RPS6KA2: variants seen among roughly 807,000 people sequenced by gnomAD.
The protein encoded by RPS6KA2 is ribosomal protein S6 kinase A2.
A neutral mutation model predicts 91.8 loss-of-function variants in RPS6KA2; 42 were observed. That is an observed-to-expected ratio of 0.46 (90% CI 0.36 to 0.59). The LOEUF (loss-of-function observed/expected upper bound fraction) is 0.59, where lower values mean the gene tolerates loss of function less well. RPS6KA2 is among the 20% of genes least tolerant of loss of function. The pLI, the probability that RPS6KA2 is intolerant of heterozygous loss-of-function variation, is 0.00. For missense variants in RPS6KA2, 798 were observed against 978.5 expected (o/e 0.82, Z 2.46); for synonymous variants, 414 against 393.6 (o/e 1.05, Z -0.61).
chr6:166,721,820 TCAGAGGAGGAGCCGGTGC>T lies in RPS6KA2; in HGVS notation c.123+136362_123+136379del, dbSNP rs1790182441. Among the ~76,000 whole-genome samples the T allele has an allele frequency of 2.5e-3, 5 of 1,978 alleles. No homozygotes were observed. The East Asian group carries it at 0.19, about 76-fold the overall frequency. 1.3% of individuals were successfully genotyped at this position (1,978 alleles called of 152,430 possible). ...GCTGCTTCCCCCAGGAGGTGCCAGC[TCAGAGGAGGAGCCGGTGC>T]CAGCTCAGAGGAGGAGCCGGTGCCA... On this transcript the variant is annotated intron_variant, in intron 2 of 21. Coordinates refer to the RPS6KA2 transcript ENST00000503859.
intron 1 of RPS6KA2, among the ~76,000 whole-genome samples, chr6:166,625,631 GTTCTGAGT>G (rs1162306951): frequency 2.0e-4 from 30 of 150,378 alleles, no homozygotes; most frequent in Non-Finnish European, 5.9e-5. Context: ...GATAAATACT[GTTCTGAGT>G]TTCTGATCTT....
At chr6:166,485,318 T>C (rs1404893581) in intron 10 of RPS6KA2, among the ~76,000 whole-genome samples, 1 of 152,214 alleles carries the variant, frequency 6.6e-6, no homozygotes, top group Non-Finnish European at 1.5e-5. Flanking sequence ...GGAAATGGCA[T>C]GCAAAGATGC....
chr6:166,801,998 C>G (rs1279088425), intron 2 of RPS6KA2, among the ~76,000 whole-genome samples: 1 of 151,792 alleles, frequency 6.6e-6, no homozygotes, highest in Non-Finnish European at 1.5e-5. Flanking sequence ...TGGCTCACAC[C>G]TGTAATCCCA....
rs76599045 is a variant in RPS6KA2 at position 166,504,404 on chromosome 6, C to T, written c.566+102G>A. 3,257 of 709,864 alleles carry T rather than the reference C, an allele frequency of 4.6e-3. 80 individuals are homozygous for T. The African/African-American group carries it at 0.053, about 12-fold the overall frequency. 44.0% of individuals were successfully genotyped at this position (709,864 alleles called of 1,614,324 possible). ...CCCAGCCTGCTCTCTGATATGTCCT[C>T]ATTTAGGAAATAAATATCTAGCAGT... On this transcript the variant is annotated intron_variant, in intron 6 of 20. Coordinates refer to ENST00000265678, the MANE Select transcript of RPS6KA2 (RefSeq NM_021135.6).
chr6:166,775,865 GCA>G (rs1323893180), intron 2 of RPS6KA2, among the ~76,000 whole-genome samples: 1 of 152,256 alleles, frequency 6.6e-6, no homozygotes, highest in Non-Finnish European at 1.5e-5. Flanking sequence ...AGGCAAAGGC[GCA>G]CAGAGAGGAC....
At chr6:166,677,215 A>G (rs1033268419) in intron 2 of RPS6KA2, among the ~76,000 whole-genome samples, 3 of 152,242 alleles carry the variant, frequency 2.0e-5, no homozygotes, top group Non-Finnish European at 2.9e-5. Context: ...GAACGGAAGG[A>G]CATGGGCATC....
chr6:166,507,425 C>A (rs1004008062), intron 5 of RPS6KA2, among the ~76,000 whole-genome samples: 4 of 150,600 alleles, frequency 2.7e-5, no homozygotes, highest in African/African-American at 9.8e-5. Flanking sequence ...ACCACACATA[C>A]CACATACAGC....
At chr6:166,678,779 C>T (rs1016456124) in intron 2 of RPS6KA2, among the ~76,000 whole-genome samples, 2 of 152,198 alleles carry the variant, frequency 1.3e-5, no homozygotes, top group Non-Finnish European at 2.9e-5. Context: ...TCTGAAGTCT[C>T]GATCCCCCGC....
chr6:166,693,084 T>G (rs1290754074), intron 2 of RPS6KA2, among the ~76,000 whole-genome samples: 1 of 152,048 alleles, frequency 6.6e-6, no homozygotes, highest in Non-Finnish European at 1.5e-5. Flanking sequence ...CACCTCAGAG[T>G]CAAGTGCTTA....
At position 166,639,166 on chromosome 6, in the gene RPS6KA2, C is replaced by T. The variant is rs527557425; in HGVS notation, c.124-100382G>A. 3.8e-4 allele frequency among the ~76,000 whole-genome samples: 58 copies of T among 152,208 alleles called. No homozygotes were observed. Among genetic ancestry groups the T allele is most frequent in the Admixed American group, 3.1e-3 (48 of 15,288 alleles). On this transcript the variant is annotated intron_variant, in intron 2 of 21. Transcript: ENST00000503859. This position sits in a 1 kb window ranked among gnomAD's most constrained non-coding sequence, Gnocchi z 4.2. ...AAATGGCTGGGAAGGCAGTCGACTC[C>T]CAAATATGAGAATTTGTATCTGAAA...
chr6:166,419,950 C>A lies in RPS6KA2; in HGVS notation c.1752G>T (p.Lys584Asn). 2 of 1,613,788 alleles carry A rather than the reference C, an allele frequency of 1.2e-6. No individual in the cohort carries two copies. Among genetic ancestry groups the A allele is most frequent in the African/African-American group, 1.3e-5 (1 of 75,046 alleles). Reference sequence around the variant, plus strand: ...CACACGCCGCATCATAGCCTTGACGCTTCAGGACCTAGGAGGGAACGACAG... The same window carrying A: ...CACACGCCGCATCATAGCCTTGACGATTCAGGACCTAGGAGGGAACGACAG... ...TANFVAPEVLKRQGYDAACDI... is the reference protein window; with the variant it reads ...TANFVAPEVLNRQGYDAACDI... Residue 584 changes from lysine (K) to asparagine (N), a missense_variant, in exon 18 of 21, where the codon AAG becomes AAT. Lys to Asn is a moderately conservative substitution (Grantham distance 94). Transcript: ENST00000265678. The surrounding 1 kb of genome is among the most constrained non-coding windows in gnomAD (Gnocchi z 5.6).
At chr6:166,734,798 T>A (rs1790629686) in intron 2 of RPS6KA2, among the ~76,000 whole-genome samples, 1 of 152,196 alleles carries the variant, frequency 6.6e-6, no homozygotes, top group South Asian at 2.1e-4. Flanking sequence ...CACTTCCTCC[T>A]TTGGGGGTAC....
At chr6:166,415,968 TCACCATCTC>T (rs1288764278) in intron 19 of RPS6KA2, among the ~76,000 whole-genome samples, 34 of 105,720 alleles carry the variant, frequency 3.2e-4, no homozygotes, top group Admixed American at 2.7e-3. Flanking sequence ...ACCATCATCT[TCACCATCTC>T]CACCATCATC....
At chr6:166,506,031 C>T (rs976120694) in intron 5 of RPS6KA2, among the ~76,000 whole-genome samples, 1 of 152,190 alleles carries the variant, frequency 6.6e-6, no homozygotes, top group Non-Finnish European at 1.5e-5. Context: ...GAACACCTCA[C>T]GGTGTGAGTT....
At chr6:166,727,465 C>T (rs1790374640) in intron 2 of RPS6KA2, among the ~76,000 whole-genome samples, 1 of 152,030 alleles carries the variant, frequency 6.6e-6, no homozygotes, top group Non-Finnish European at 1.5e-5. Flanking sequence ...CCAGGGCCAG[C>T]ACCCAGAACA....
At position 166,436,315 on chromosome 6, in the gene RPS6KA2, G is replaced by GAA. The variant is rs397827258; in HGVS notation, c.1333-3827_1333-3826dup. Among the ~76,000 whole-genome samples, 654 of 73,812 alleles carry GAA rather than the reference G, an allele frequency of 8.9e-3. 10 individuals carry two copies. Among genetic ancestry groups the GAA allele is most frequent in the African/African-American group, 0.022 (595 of 26,510 alleles). 48.4% of individuals were successfully genotyped at this position (73,812 alleles called of 152,430 possible). Reference sequence around the variant, plus strand: ...AGAGCGTGTTTCAGTTAAAGCCCCAGAAAAAAAAAAAAAAAAAAACCTCAG... The same window carrying GAA: ...AGAGCGTGTTTCAGTTAAAGCCCCAGAAAAAAAAAAAAAAAAAAAAACCTCAG... On this transcript the variant is annotated intron_variant, in intron 14 of 20. Coordinates refer to ENST00000265678, the MANE Select transcript of RPS6KA2 (RefSeq NM_021135.6).
Position 166,627,249 on chromosome 6 carries a change from A to G in RPS6KA2, c.-230T>C. ...CGCCTCCTTCTCCGCCTCCCCTGCG[A>G]GTACCAGCGCCGGCCACGCGCCACG... On this transcript the variant is annotated 5_prime_UTR_variant, in exon 1 of 21. Coordinates refer to ENST00000265678, the MANE Select transcript of RPS6KA2 (RefSeq NM_021135.6). The G allele has an allele frequency of 2.0e-6, 2 of 1,015,148 alleles. No homozygotes were observed. Among genetic ancestry groups the G allele is most frequent in the Non-Finnish European group, 2.4e-6 (2 of 850,008 alleles). The allele number at this position is 1,015,148 out of a possible 1,614,324, so 62.9% of individuals were successfully genotyped here. A position where few individuals can be genotyped will look rare whatever the true frequency, so the allele number is the denominator to read the frequency against.
chr6:166,726,619 A>G lies in RPS6KA2; in HGVS notation c.123+131581T>C, dbSNP rs1256395630. 6.6e-6 allele frequency among the ~76,000 whole-genome samples: 1 copy of G among 152,242 alleles called. No homozygotes were observed. Among genetic ancestry groups the G allele is most frequent in the Non-Finnish European group, 1.5e-5 (1 of 68,040 alleles). On this transcript the variant is annotated intron_variant, in intron 2 of 21. Transcript: ENST00000503859. This position sits in a 1 kb window ranked among gnomAD's most constrained non-coding sequence, Gnocchi z 4.4. ...TGATCCAAAATATATAACCGTGATCACCTTAAATCACATAAACATGATCAC... is the reference window on the plus strand; with the variant it reads ...TGATCCAAAATATATAACCGTGATCGCCTTAAATCACATAAACATGATCAC...
intron 19 of RPS6KA2, among the ~76,000 whole-genome samples, chr6:166,417,334 T>C (rs1181287057): frequency 2.0e-5 from 3 of 152,218 alleles, no homozygotes; most frequent in African/African-American, 7.2e-5. Context: ...TAGAGGTTGC[T>C]GTGAAGGTGT....
Sources: gnomAD v4.1 joint callset for allele counts (sites outside exome capture counted in the v4.1 genomes callset) on GRCh38, gnomAD v4.1.1 for gene constraint, Gnocchi (gnomAD v3.1) non-coding constraint, MANE v1.5 for transcripts, NCBI Gene and HGNC (gene_info 2026-07-23, HGNC 2026-07-21) for gene names.